The following MICAL3 variants were observed in gnomAD, a reference collection of about 807,000 sequenced individuals.
The protein encoded by MICAL3 is microtubule associated monooxygenase, calponin and LIM domain containing 3.
Under a neutral mutation model 207.4 loss-of-function variants are expected in MICAL3, and 62 were observed. The ratio of observed to expected loss-of-function variants is 0.30; its 90% CI spans 0.24 to 0.37. The LOEUF (loss-of-function observed/expected upper bound fraction) is 0.37. Ranked by LOEUF, MICAL3 falls within the 10% of genes least tolerant of loss-of-function variation. The pLI is 1.00. For missense variants in MICAL3, 2,368 were observed against 2,635.6 expected, an observed-to-expected ratio of 0.90 and a Z score of 2.22; for synonymous variants, 1,077 against 1,069.3, an observed-to-expected ratio of 1.01 and a Z score of -0.14.
At position 17,791,285 on chromosome 22, in the gene MICAL3, G is replaced by A. The variant is rs758034364; in HGVS notation, c.5667C>T (p.Asp1889=). The A allele has an allele frequency of 4.0e-5, 65 of 1,613,428 alleles. No homozygotes were observed. Among genetic ancestry groups the A allele is most frequent in the South Asian group, 1.3e-4 (12 of 90,966 alleles). ...LRGEAGMGKK[D]DPKLMQEWFK... ...ACCACTCCTGCATCAGCTTGGGGTC[G>A]TCCTTCTTGCCCATGCCTGCCGAGA... Residue 1889 remains aspartate, a synonymous_variant, in exon 30 of 32, where the codon GAC becomes GAT. Coordinates refer to ENST00000441493, the MANE Select transcript of MICAL3 (RefSeq NM_015241.3).
At chr22:17,979,374 G>A (rs1003432586) in intron 1 of MICAL3, among the ~76,000 whole-genome samples, 2 of 151,706 alleles carry the variant, frequency 1.3e-5, no homozygotes, top group Admixed American at 6.6e-5. Flanking sequence ...GCGAAACCCC[G>A]TCTCTACTAA....
chr22:17,872,071 C>T (rs1488402172), intron 16 of MICAL3, 48 bp from the exon 17 acceptor site: 2 of 1,509,484 alleles, frequency 1.3e-6, no homozygotes, highest in Non-Finnish European at 1.8e-6. Context: ...CAGGGAGTGC[C>T]ACACAGGCCC....
intron 17 of MICAL3, among the ~76,000 whole-genome samples, chr22:17,866,977 C>T (rs1374296025): frequency 6.6e-6 from 1 of 152,194 alleles, no homozygotes; most frequent in Non-Finnish European, 1.5e-5. Flanking sequence ...ATTTCATTTT[C>T]CTCATTTGTA....
At chr22:17,991,362 T>A (rs1167341469) in intron 1 of MICAL3, among the ~76,000 whole-genome samples, 1 of 152,258 alleles carries the variant, frequency 6.6e-6, no homozygotes, top group Non-Finnish European at 1.5e-5. Context: ...GCAAGGTAAA[T>A]TTTTAAATTC....
At chr22:17,846,152 G>A (rs548722514) in intron 19 of MICAL3, among the ~76,000 whole-genome samples, 1 of 152,226 alleles carries the variant, frequency 6.6e-6, no homozygotes, top group Non-Finnish European at 1.5e-5. Context: ...AGGGGAGCTG[G>A]GAGGCAGCAG....
At chr22:17,992,693 A>G (rs192702298) in intron 1 of MICAL3, among the ~76,000 whole-genome samples, 3 of 152,220 alleles carry the variant, frequency 2.0e-5, no homozygotes, top group Admixed American at 6.5e-5. Flanking sequence ...CACGGTGCTC[A>G]CTAAACCCGG....
intron 31 of MICAL3, 28 bp from the exon 32 acceptor site, chr22:17,790,944 G>T (rs756406679): frequency 6.2e-7 from 1 of 1,613,194 alleles, no homozygotes; most frequent in Non-Finnish European, 8.5e-7. Flanking sequence ...CATGAGGTGA[G>T]GGGCCTGGAG....
chr22:17,894,306 C>T (rs1930639216), intron 10 of MICAL3, among the ~76,000 whole-genome samples: 1 of 151,136 alleles, frequency 6.6e-6, no homozygotes, highest in Non-Finnish European at 1.5e-5. Flanking sequence ...GTGGGAGGAT[C>T]CCTTGAGACC....
chr22:17,822,853 A>G, intron 23 of MICAL3, 94 bp downstream of exon 23: 1 of 729,780 alleles, frequency 1.4e-6, no homozygotes, highest in Non-Finnish European at 2.3e-6. Context: ...AGGAGGCCCA[A>G]CGGCGGCCTC....
At position 17,904,699 on chromosome 22, in the gene MICAL3, A is replaced by T. The variant is rs1931589908; in HGVS notation, c.405T>A (p.His135Gln). The T allele has an allele frequency of 6.2e-7, 1 of 1,613,910 alleles. No homozygotes were observed. Among genetic ancestry groups the T allele is most frequent in the Non-Finnish European group, 8.5e-7 (1 of 1,179,770 alleles). ...NVLHLWPFTI[H>Q]DLRGLGAKKF... is the part of the protein sequence containing the mutation. ...TCTTGGCACCCAGACCTCGTAGATC[A>T]TGTATGGTGAATGGCCAGAGATGCA... Residue 135 changes from histidine (H) to glutamine (Q), a missense_variant, in exon 3 of 32, where the codon CAT (histidine) becomes CAA (glutamine). Around this residue, in one of 4 missense-constraint regions of MICAL3, gnomAD observed 400 missense variants for 547.0 expected, o/e 0.73. Transcript: ENST00000441493.
At chr22:17,969,370 T>C (rs535239975) in intron 1 of MICAL3, among the ~76,000 whole-genome samples, 16 of 152,352 alleles carry the variant, frequency 1.1e-4, no homozygotes, top group African/African-American at 3.8e-4. Context: ...TACATGTGCT[T>C]TTCTCTAAGG....
chr22:17,881,380 G>A, intron 16 of MICAL3: 2 of 1,240,984 alleles, frequency 1.6e-6, no homozygotes, highest in Non-Finnish European at 2.3e-6. Context: ...TGGGAGGACT[G>A]AAGGGTGTTT....
intron 29 of MICAL3, among the ~76,000 whole-genome samples, chr22:17,792,449 T>C (rs890241206): frequency 3.3e-5 from 5 of 152,168 alleles, no homozygotes; most frequent in African/African-American, 1.2e-4. Context: ...TTGCACTCTC[T>C]GCGTCCCTTG....
chr22:17,976,561 GTA>G (rs751076102), intron 1 of MICAL3, among the ~76,000 whole-genome samples: 858 of 79,918 alleles, frequency 0.011, 12 homozygotes, highest in African/African-American at 0.022. Context: ...GTGTGTGTGT[GTA>G]TATATATATA....
At chr22:17,978,336 T>C (rs537455801) in intron 1 of MICAL3, among the ~76,000 whole-genome samples, 25 of 152,274 alleles carry the variant, frequency 1.6e-4, no homozygotes, top group Middle Eastern at 3.4e-3. Flanking sequence ...ATGTTCAGAA[T>C]AGCAAATCAG....
chr22:18,020,913 C>CAAATAAATAAAT (rs200685200), intron 1 of MICAL3, among the ~76,000 whole-genome samples: 86 of 134,254 alleles, frequency 6.4e-4, no homozygotes, highest in Non-Finnish European at 9.0e-4. Flanking sequence ...GACCCTGTCT[C>CAAATAAATAAAT]AAATAAATAA....
intron 17 of MICAL3, among the ~76,000 whole-genome samples, chr22:17,866,483 C>T (rs570866692): frequency 4.6e-5 from 7 of 152,320 alleles, no homozygotes; most frequent in Middle Eastern, 3.4e-3. Flanking sequence ...GCTGCTCCCC[C>T]TCCCGCACCC....
intron 3 of MICAL3, among the ~76,000 whole-genome samples, chr22:17,904,125 T>C (rs1353876099): frequency 6.6e-6 from 1 of 152,210 alleles, no homozygotes; most frequent in Non-Finnish European, 1.5e-5. Context: ...CCCTTGCCAT[T>C]AACGGCCAGG....
intron 1 of MICAL3, among the ~76,000 whole-genome samples, chr22:17,922,483 C>A (rs1932823775): frequency 6.6e-6 from 1 of 152,096 alleles, no homozygotes; most frequent in Admixed American, 6.5e-5. Flanking sequence ...GTCTGAATGG[C>A]TCCTAATTAT....
Sources: gnomAD v4.1 joint callset for allele counts (sites outside exome capture counted in the v4.1 genomes callset) on GRCh38, gnomAD v4.1.1 for gene constraint, gnomAD v4.1.1 regional missense constraint, MANE v1.5 for transcripts, NCBI Gene and HGNC (gene_info 2026-07-23, HGNC 2026-07-21) for gene names.